Variants in CCNK observed in about 807,000 individuals in gnomAD.
CCNK encodes cyclin K.
Under a neutral mutation model 65.0 loss-of-function variants are expected in CCNK, and 9 were observed. The observed-to-expected ratio is 0.14, with a 90% confidence interval of 0.08 to 0.24. CCNK has a LOEUF of 0.24. Among genes scored for constraint, CCNK ranks in the 10% least tolerant of loss-of-function variants. The probability of loss-of-function intolerance (pLI) is 1.00; values close to 1 mark genes in which losing one functional copy is unlikely to be tolerated. For synonymous variants in CCNK, 279 were observed against 270.8 expected, an observed-to-expected ratio of 1.03 and a Z score of -0.30; for missense variants, 474 against 720.0, an observed-to-expected ratio of 0.66 and a Z score of 3.91.
At chr14:99,498,272 C>A (rs1044518400) in intron 4 of CCNK, among the ~76,000 whole-genome samples, 4 of 152,142 alleles carry the variant, frequency 2.6e-5, no homozygotes, top group Admixed American at 2.0e-4. Flanking sequence ...TTCTGAAGCT[C>A]CTGTGCCCCA....
intron 4 of CCNK, among the ~76,000 whole-genome samples, chr14:99,495,952 A>G (rs1004262054): frequency 6.6e-6 from 1 of 152,032 alleles, no homozygotes; most frequent in African/African-American, 2.4e-5. Context: ...CAGGGTTACA[A>G]CTCCAGCTAG....
chr14:99,499,132 C>G (rs1185213415), intron 4 of CCNK, among the ~76,000 whole-genome samples: 2 of 152,198 alleles, frequency 1.3e-5, no homozygotes, highest in African/African-American at 4.8e-5. Flanking sequence ...CTCTGCCGCC[C>G]AGGCTCGAGC....
At chr14:99,492,247 A>C in intron 1 of CCNK, 1 of 159,230 alleles carries the variant, frequency 6.3e-6, no homozygotes, top group Non-Finnish European at 1.4e-5. Context: ...AGACAGGCCC[A>C]GGTTTTGCTG....
intron 4 of CCNK, 127 bp from the exon 5 acceptor site, chr14:99,500,639 G>T: frequency 1.5e-6 from 1 of 680,376 alleles, no homozygotes; most frequent in Admixed American, 2.5e-5. Flanking sequence ...GGGAGAGAAA[G>T]GAAGGAAAGG....
In CCNK at chr14:99,510,790, CT is replaced by C. The variant is rs776794029; in HGVS notation, c.*14del. On this transcript the variant is annotated 3_prime_UTR_variant, in exon 11 of 11. Transcript: ENST00000389879. ...GCAGCCTGGATGAGATAACGTGAGC[CT>C]TTTTTCCCTCTTTGTTTTTTTAACA... The C allele has an allele frequency of 3.9e-5, 56 of 1,421,986 alleles. No individual in the cohort carries two copies. The African/African-American group carries it at 4.7e-4, about 12-fold the overall frequency. The allele number at this position is 1,421,986 out of a possible 1,614,324, so 88.1% of individuals were successfully genotyped here. A position where few individuals can be genotyped will look rare whatever the true frequency, so the allele number is the denominator to read the frequency against.
chr14:99,487,368 G>A (rs1393200218), intron 1 of CCNK, among the ~76,000 whole-genome samples: 2 of 152,162 alleles, frequency 1.3e-5, no homozygotes, highest in African/African-American at 4.8e-5. Flanking sequence ...TCTGTGCACT[G>A]AGGACATTCA....
chr14:99,503,407 T>G, intron 8 of CCNK: 1 of 605,890 alleles, frequency 1.7e-6, no homozygotes, highest in Non-Finnish European at 2.9e-6. Flanking sequence ...CTGTCTTATT[T>G]GGTAAATGGA....
chr14:99,495,426 G>A, intron 3 of CCNK, 72 bp from the exon 4 acceptor site: 3 of 1,447,018 alleles, frequency 2.1e-6, no homozygotes, highest in South Asian at 1.4e-5. Context: ...TATTACGAAG[G>A]CCAAAATTTA....
At chr14:99,493,473 C>T (rs778894740) in intron 2 of CCNK, 41 bp from the exon 3 acceptor site, 3 of 1,267,104 alleles carry the variant, frequency 2.4e-6, no homozygotes, top group Non-Finnish European at 3.4e-6. Flanking sequence ...AGAGTATAAC[C>T]TGTAAAAGTT....
intron 7 of CCNK, 83 bp from the exon 8 acceptor site, chr14:99,502,636 G>A (rs79410788): frequency 7.4e-7 from 1 of 1,342,492 alleles, no homozygotes; most frequent in Non-Finnish European, 1.0e-6. Flanking sequence ...CCTCGTAGGG[G>A]TATCATAACT....
Position 99,510,597 on chromosome 14 carries a change from C to A in CCNK, c.1558C>A (p.Pro520Thr). The A allele has an allele frequency of 1.4e-6, 1 of 711,184 alleles. No individual in the cohort carries two copies. Among genetic ancestry groups the A allele is most frequent in the Non-Finnish European group, 2.1e-6 (1 of 470,620 alleles). 44.1% of individuals were successfully genotyped at this position (711,184 alleles called of 1,614,324 possible). Reference protein sequence around the residue: ...PPTYNPNFPPPPPRLPPTHAV... With the variant: ...PPTYNPNFPPTPPRLPPTHAV... ...CACCTACAACCCCAACTTCCCACCC[C>A]CACCCCCACGCCTCCCGCCTACCCA... is the stretch of plus-strand genomic sequence containing the variant. Residue 520 changes from proline to threonine, a missense_variant, in exon 11 of 11, where the codon CCA becomes ACA. Physicochemically the swap from Pro to Thr is conservative, Grantham distance 38. Around this residue, in one of 6 missense-constraint regions of CCNK, gnomAD observed 38 missense variants for 19.2 expected, o/e 1.98. Coordinates refer to ENST00000389879, the MANE Select transcript of CCNK (RefSeq NM_001099402.2).
Position 99,495,578 on chromosome 14 carries a change from T to C in CCNK, c.360T>C (p.Ala120=), listed in dbSNP as rs1394467577. Residue 120 remains alanine (A), a synonymous_variant, in exon 4 of 11, where the codon GCT becomes GCC. Transcript: ENST00000389879. ...PKKCKDIIKT[A]RSLLNDVQFG... Reference sequence around the variant, plus strand: ...AATGTAAAGATATCATCAAAACAGCTCGTAGTTTATTAAATGATGTACAAT... The same window carrying C: ...AATGTAAAGATATCATCAAAACAGCCCGTAGTTTATTAAATGATGTACAAT... 1 of 1,613,066 alleles carries C rather than the reference T, an allele frequency of 6.2e-7. No individual in the cohort carries two copies. The highest frequency in any genetic ancestry group is 8.5e-7 in the Non-Finnish European group (1 of 1,179,614).
chr14:99,493,386 C>T (rs987648029), intron 2 of CCNK, 128 bp from the exon 3 acceptor site: 1 of 562,688 alleles, frequency 1.8e-6, no homozygotes, highest in Non-Finnish European at 3.1e-6. Context: ...CATCTCATTA[C>T]TTTGCCACTA....
intron 1 of CCNK, chr14:99,491,897 G>C (rs1029453012): frequency 6.6e-6 from 1 of 152,262 alleles, no homozygotes; most frequent in Non-Finnish European, 1.5e-5. Flanking sequence ...GTGGTCTCTA[G>C]ATGAGATCCT....
chr14:99,497,189 A>G (rs573221892), intron 4 of CCNK, among the ~76,000 whole-genome samples: 1 of 152,238 alleles, frequency 6.6e-6, no homozygotes, highest in South Asian at 2.1e-4. Flanking sequence ...AGCCACCATT[A>G]TAGTATCATG....
At chr14:99,491,469 T>C (rs748682357) in intron 1 of CCNK, among the ~76,000 whole-genome samples, 28 of 152,232 alleles carry the variant, frequency 1.8e-4, no homozygotes, top group Admixed American at 4.6e-4. Flanking sequence ...TGTCTGATTA[T>C]GAACAGGTCA....
chr14:99,494,649 T>G (rs920116635), intron 3 of CCNK: 2 of 152,334 alleles, frequency 1.3e-5, no homozygotes, highest in African/African-American at 2.4e-5. Flanking sequence ...GACAGAGCAG[T>G]TCAGACCCCA....
intron 8 of CCNK, 30 bp downstream of exon 8, chr14:99,503,014 A>T: frequency 6.2e-7 from 1 of 1,613,060 alleles, no homozygotes. Flanking sequence ...CCCTGGGTAG[A>T]GCAGGCTTTC....
intron 3 of CCNK, chr14:99,495,082 G>C (rs899512007): frequency 6.2e-6 from 1 of 162,204 alleles, no homozygotes; most frequent in African/African-American, 2.4e-5. Context: ...CCACAGGACT[G>C]TGCTAGAAGG....
Sources: allele counts gnomAD v4.1 joint callset (sites outside exome capture counted in the v4.1 genomes callset), GRCh38; gene constraint gnomAD v4.1.1; regional missense constraint gnomAD v4.1.1; transcripts MANE v1.5; gene names NCBI Gene and HGNC (gene_info 2026-07-23, HGNC 2026-07-21).